Variants in ZSWIM5 observed in about 807,000 individuals in gnomAD.
ZSWIM5 encodes the protein zinc finger SWIM-type containing 5.
In ZSWIM5, 55 loss-of-function variants were observed where a neutral mutation model predicts 119.6. The ratio of observed to expected loss-of-function variants is 0.46; its 90% CI spans 0.37 to 0.58. The LOEUF (loss-of-function observed/expected upper bound fraction) is 0.58. ZSWIM5 is among the 20% of genes least tolerant of loss of function. ZSWIM5 has a pLI of 0.00. For synonymous variants in ZSWIM5, 537 were observed against 606.9 expected, an observed-to-expected ratio of 0.88 and a Z score of 1.69; for missense variants, 1,193 against 1,512.8, an observed-to-expected ratio of 0.79 and a Z score of 3.51.
In ZSWIM5 at chr1:45,019,310, C is replaced by G; in HGVS notation, c.2702G>C (p.Arg901Pro). 1 of 1,608,578 alleles carries G rather than the reference C, an allele frequency of 6.2e-7. No individual in the cohort carries two copies. Among genetic ancestry groups the G allele is most frequent in the Non-Finnish European group, 8.5e-7 (1 of 1,178,550 alleles). The change falls in exon 14 of 14, where the codon CGG (arginine) becomes CCG (proline). Residue 901 changes from arginine (R) to proline (P), a missense_variant. Around this residue, in one of 2 missense-constraint regions of ZSWIM5, gnomAD observed 961 missense variants for 1,290.0 expected, o/e 0.74. Coordinates refer to ENST00000359600, the MANE Select transcript of ZSWIM5 (RefSeq NM_020883.2). This position sits in a 1 kb window ranked among gnomAD's most constrained non-coding sequence, Gnocchi z 5.0. Reference protein sequence around the residue: ...LVTCATEVGVRALVSILQSWY... With the variant: ...LVTCATEVGVPALVSILQSWY... Reference sequence around the variant, plus strand: ...GCTCTGCAAGATGCTCACCAGGGCCCGCACACCTGTCAGGGGGAGCCTGAG... The same window carrying G: ...GCTCTGCAAGATGCTCACCAGGGCCGGCACACCTGTCAGGGGGAGCCTGAG...
rs190249159 is a variant in ZSWIM5, at chr1:45,044,362, C to T, written c.1433-967G>A. Reference sequence around the variant, plus strand: ...CAGCACTTTGGAAGGCTGAGGCTGGCGGATTGTTTGAGTCCAGGAGTTTGA... The same window carrying T: ...CAGCACTTTGGAAGGCTGAGGCTGGTGGATTGTTTGAGTCCAGGAGTTTGA... On this transcript the variant is annotated intron_variant, in intron 5 of 13. Coordinates refer to ENST00000359600, the MANE Select transcript of ZSWIM5 (RefSeq NM_020883.2). Among the ~76,000 whole-genome samples, 285 of 151,662 alleles carry T rather than the reference C, an allele frequency of 1.9e-3. 2 individuals carry two copies. The highest frequency in any genetic ancestry group is 6.2e-3 in the African/African-American group (257 of 41,326).
chr1:45,127,793 G>A (rs1645630607), intron 1 of ZSWIM5, among the ~76,000 whole-genome samples: 1 of 151,658 alleles, frequency 6.6e-6, no homozygotes, highest in African/African-American at 2.4e-5. Flanking sequence ...GACATAAGAT[G>A]AACATATGAA....
At position 45,043,371 on chromosome 1, in the gene ZSWIM5, G is replaced by C; in HGVS notation, c.1457C>G (p.Thr486Arg). Residue 486 changes from threonine to arginine, a missense_variant, in exon 6 of 14, where the codon ACA becomes AGA. Around this residue, in one of 2 missense-constraint regions of ZSWIM5, gnomAD observed 961 missense variants for 1,290.0 expected, o/e 0.74. Coordinates refer to ENST00000359600, the MANE Select transcript of ZSWIM5 (RefSeq NM_020883.2). The part of the protein sequence containing the change: ...SPDSLSRPRR[T>R]VFTRAIEGRE... ...CCCCTCAATGGCTCTAGTGAATACTGTTCGTCTTGGTCTGGATAAGGAGTC... is the reference window on the plus strand; with the variant it reads ...CCCCTCAATGGCTCTAGTGAATACTCTTCGTCTTGGTCTGGATAAGGAGTC... The C allele has an allele frequency of 1.2e-6, 2 of 1,614,180 alleles. No homozygotes were observed. Among genetic ancestry groups the C allele is most frequent in the Non-Finnish European group, 1.7e-6 (2 of 1,180,028 alleles).
At chr1:45,120,802 C>G (rs1044608428) in intron 1 of ZSWIM5, among the ~76,000 whole-genome samples, 2 of 152,130 alleles carry the variant, frequency 1.3e-5, no homozygotes, top group African/African-American at 4.8e-5. Flanking sequence ...TTCTCCACTA[C>G]TCTCGAACTT....
chr1:45,022,385 C>A (rs1451967536), intron 11 of ZSWIM5, among the ~76,000 whole-genome samples: 2 of 152,108 alleles, frequency 1.3e-5, no homozygotes, highest in Non-Finnish European at 2.9e-5. Context: ...CCGCCTTGGT[C>A]TCCCAAAGTG....
At position 45,165,625 on chromosome 1, in the gene ZSWIM5, T is replaced by C. The variant is rs542096518; in HGVS notation, c.595+40131A>G. Among the ~76,000 whole-genome samples, 7 of 152,046 alleles carry C rather than the reference T, an allele frequency of 4.6e-5. No individual in the cohort carries two copies. In the East Asian group the frequency reaches 1.2e-3, roughly 25 times the overall value. ...ATCAAATAGATGCAATAAAAAATGA[T>C]AAAGGGGTTATCACCACCGATCCCA... On this transcript the variant is annotated intron_variant, in intron 1 of 13. Transcript: ENST00000359600.
In ZSWIM5 at chr1:45,072,369, G is replaced by A; in HGVS notation, c.953-12122C>T. ...TGCTAATATTTTCTCCCATTCTGTG[G>A]TTTGTCTCTTCACTTTGTCAATTAT... On this transcript the variant is annotated intron_variant, in intron 2 of 13. Transcript: ENST00000359600. This position sits in a 1 kb window ranked among gnomAD's most constrained non-coding sequence, Gnocchi z 4.1. Among the ~76,000 whole-genome samples the A allele has an allele frequency of 1.3e-5, 2 of 151,846 alleles. 1 individual carries two copies. Among genetic ancestry groups the A allele is most frequent in the African/African-American group, 4.9e-5 (2 of 41,160 alleles).
chr1:45,114,116 C>T (rs920317327), intron 1 of ZSWIM5, among the ~76,000 whole-genome samples: 1 of 152,116 alleles, frequency 6.6e-6, no homozygotes, highest in African/African-American at 2.4e-5. Context: ...ATATAATGTG[C>T]AAGTCCAAAA....
intron 1 of ZSWIM5, among the ~76,000 whole-genome samples, chr1:45,184,604 AACAG>A (rs1442675506): frequency 1.3e-5 from 2 of 152,134 alleles, no homozygotes; most frequent in African/African-American, 2.4e-5. Context: ...ACACACCAAT[AACAG>A]ACAAACAGAG....
chr1:45,070,350 A>G, intron 2 of ZSWIM5: 1 of 1,416,066 alleles, frequency 7.1e-7, no homozygotes, highest in Non-Finnish European at 1.0e-6. Flanking sequence ...GGCCAACGGC[A>G]TGGGCAGCCA....
intron 1 of ZSWIM5, among the ~76,000 whole-genome samples, chr1:45,181,305 G>T (rs1459364158): frequency 6.6e-6 from 1 of 152,048 alleles, no homozygotes; most frequent in Non-Finnish European, 1.5e-5. Flanking sequence ...CTCAGGAGCC[G>T]ATGCGATCAA....
chr1:45,192,244 C>T (rs766467699), intron 1 of ZSWIM5, among the ~76,000 whole-genome samples: 2 of 152,142 alleles, frequency 1.3e-5, no homozygotes, highest in Non-Finnish European at 2.9e-5. Context: ...TTTCATCCTC[C>T]CATACTAAAA....
intron 11 of ZSWIM5, among the ~76,000 whole-genome samples, chr1:45,032,727 T>A (rs1349112558): frequency 6.6e-6 from 1 of 152,020 alleles, no homozygotes; most frequent in Non-Finnish European, 1.5e-5. Flanking sequence ...TCTCAAGTGA[T>A]CTGCCCGCCT....
intron 1 of ZSWIM5, among the ~76,000 whole-genome samples, chr1:45,196,637 G>A (rs1027480098): frequency 1.3e-5 from 2 of 150,240 alleles, no homozygotes; most frequent in Admixed American, 1.3e-4. Flanking sequence ...TGATCTGACC[G>A]CCTCAGCCTC....
chr1:45,022,956 TGAG>T (rs1212325822), intron 11 of ZSWIM5, among the ~76,000 whole-genome samples: 3 of 152,230 alleles, frequency 2.0e-5, no homozygotes, highest in Admixed American at 6.5e-5. Flanking sequence ...TTTGGAACAC[TGAG>T]GAGTTTTTTT....
chr1:45,022,035 T>A (rs886303761), intron 11 of ZSWIM5, among the ~76,000 whole-genome samples: 38 of 137,770 alleles, frequency 2.8e-4, no homozygotes, highest in African/African-American at 4.2e-4. Flanking sequence ...AAAAAAAAAA[T>A]AAATAAGAGT....
rs145596441 is a variant in ZSWIM5 at position 45,059,865 on chromosome 1, C to T, written c.1101+234G>A. On this transcript the variant is annotated intron_variant, in intron 3 of 13. Transcript: ENST00000359600. ...TCCTTGCTAAAATGCCCCAGCAATA[C>T]TAACTCTTTTAGAGAGCAGAGCAGA... Among the ~76,000 whole-genome samples, 406 of 152,228 alleles carry T rather than the reference C, an allele frequency of 2.7e-3. 1 individual carries two copies. Among genetic ancestry groups the T allele is most frequent in the African/African-American group, 9.1e-3 (380 of 41,534 alleles).
rs199625447 is a variant in ZSWIM5, at chr1:45,138,153, A to AT, written c.596-49917dup. On this transcript the variant is annotated intron_variant, in intron 1 of 13. Coordinates refer to ENST00000359600, the MANE Select transcript of ZSWIM5 (RefSeq NM_020883.2). Reference sequence around the variant, plus strand: ...ACAACATGGGTCAACTTATACAAGGATTTTTTTTTCAACCAAATGTAAATA... The same window carrying AT: ...ACAACATGGGTCAACTTATACAAGGATTTTTTTTTTCAACCAAATGTAAATA... Among the ~76,000 whole-genome samples, 217 of 151,684 alleles carry AT rather than the reference A, an allele frequency of 1.4e-3. 4 individuals are homozygous for AT. In the East Asian group the frequency reaches 0.028, roughly 19 times the overall value.
intron 1 of ZSWIM5, among the ~76,000 whole-genome samples, chr1:45,092,539 C>CCCCA (rs1645373464): frequency 2.3e-5 from 1 of 43,310 alleles, no homozygotes; most frequent in African/African-American, 7.1e-5. Context: ...TCGTGATCCA[C>CCCCA]CCCCCCCCCC....
Sources: gnomAD v4.1 joint callset for allele counts (sites outside exome capture counted in the v4.1 genomes callset) on GRCh38, gnomAD v4.1.1 for gene constraint, gnomAD v4.1.1 regional missense constraint, Gnocchi (gnomAD v3.1) non-coding constraint, MANE v1.5 for transcripts, NCBI Gene and HGNC (gene_info 2026-07-23, HGNC 2026-07-21) for gene names.